The following CEP112 variants were observed in gnomAD, a reference collection of about 807,000 sequenced individuals.
CEP112 encodes centrosomal protein 112.
CEP112 carries 127 observed loss-of-function variants against 153.0 expected under a neutral mutation model. The ratio of observed to expected loss-of-function variants is 0.83; its 90% CI spans 0.72 to 0.96. The LOEUF (loss-of-function observed/expected upper bound fraction) is 0.96, where lower values mean the gene tolerates loss of function less well. Ranked by LOEUF, CEP112 falls within the 40% of genes least tolerant of loss-of-function variation. CEP112 has a pLI of 0.00. For synonymous variants in CEP112, 358 were observed against 374.4 expected, an observed-to-expected ratio of 0.96 and a Z score of 0.51; for missense variants, 1,089 against 1,101.2, an observed-to-expected ratio of 0.99 and a Z score of 0.16.
chr17:66,051,416 AT>A (rs1293714127), intron 12 of CEP112, among the ~76,000 whole-genome samples: 1 of 149,304 alleles, frequency 6.7e-6, no homozygotes, highest in Non-Finnish European at 1.5e-5. Flanking sequence ...TATATACTTA[AT>A]TTATGTATAT....
chr17:65,664,729 C>G (rs1487625457), intron 24 of CEP112, among the ~76,000 whole-genome samples: 2 of 152,228 alleles, frequency 1.3e-5, no homozygotes, highest in Non-Finnish European at 2.9e-5. Context: ...ATAACACCAT[C>G]AAGGACACAG....
chr17:65,997,040 C>T (rs1245670364), intron 17 of CEP112, among the ~76,000 whole-genome samples: 8 of 152,076 alleles, frequency 5.3e-5, no homozygotes, highest in Non-Finnish European at 1.0e-4. Context: ...GAAACCTCGT[C>T]TCTACTAAAA....
chr17:66,065,150 C>T (rs1033271279), intron 10 of CEP112, among the ~76,000 whole-genome samples: 1 of 152,166 alleles, frequency 6.6e-6, no homozygotes, highest in Non-Finnish European at 1.5e-5. Context: ...TTCTTTTCTT[C>T]GGTTCCATTC....
At chr17:65,787,103 T>C (rs922907195) in intron 21 of CEP112, among the ~76,000 whole-genome samples, 1 of 152,224 alleles carries the variant, frequency 6.6e-6, no homozygotes, top group Non-Finnish European at 1.5e-5. Flanking sequence ...CTAACGTCCA[T>C]ACCTTTGCAA....
Position 66,175,199 on chromosome 17 carries a change from T to C in CEP112, c.315A>G (p.Glu105=). The change falls in exon 4 of 27, where the codon GAA becomes GAG. Residue 105 remains glutamate, a synonymous_variant. Coordinates refer to ENST00000535342, the MANE Select transcript of CEP112 (RefSeq NM_001199165.4). ...LPSYMSIYFD[E]PNPARAKGSS... is the part of the protein sequence containing the mutation. Reference sequence around the variant, plus strand: ...AACCTTTTGCTCGTGCTGGATTTGGTTCATCAAAATAGATGGACTGATTTT... The same window carrying C: ...AACCTTTTGCTCGTGCTGGATTTGGCTCATCAAAATAGATGGACTGATTTT... 1 of 1,588,452 alleles carries C rather than the reference T, an allele frequency of 6.3e-7. No homozygotes were observed. Among genetic ancestry groups the C allele is most frequent in the East Asian group, 2.3e-5 (1 of 44,082 alleles).
intron 20 of CEP112, among the ~76,000 whole-genome samples, chr17:65,897,149 C>CA (rs973892986): frequency 1.7e-4 from 26 of 151,760 alleles, no homozygotes; most frequent in African/African-American, 6.3e-4. Flanking sequence ...AAGAGGGGAA[C>CA]AAAAAACAGG....
chr17:65,980,303 T>C (rs910817756), intron 17 of CEP112, among the ~76,000 whole-genome samples: 4 of 152,196 alleles, frequency 2.6e-5, no homozygotes, highest in African/African-American at 7.2e-5. Context: ...TAAAAGACCA[T>C]TGTTAAAATT....
chr17:65,758,789 A>G (rs2052436144), intron 21 of CEP112, among the ~76,000 whole-genome samples: 1 of 152,224 alleles, frequency 6.6e-6, no homozygotes, highest in Non-Finnish European at 1.5e-5. Flanking sequence ...CATGGCATAA[A>G]GCTCAGATAA....
chr17:65,915,025 C>T (rs986065584), intron 19 of CEP112, among the ~76,000 whole-genome samples: 1 of 152,172 alleles, frequency 6.6e-6, no homozygotes, highest in African/African-American at 2.4e-5. Flanking sequence ...TCACTTCCTC[C>T]TTCCTGAAAC....
intron 24 of CEP112, among the ~76,000 whole-genome samples, chr17:65,662,674 G>C (rs1448713793): frequency 6.6e-6 from 1 of 152,008 alleles, no homozygotes; most frequent in Non-Finnish European, 1.5e-5. Flanking sequence ...ATCCTCATTG[G>C]GCCAGCTTTT....
chr17:65,931,552 T>C (rs2061123809), intron 18 of CEP112, among the ~76,000 whole-genome samples: 1 of 152,150 alleles, frequency 6.6e-6, no homozygotes, highest in South Asian at 2.1e-4. Context: ...CTAGAACATC[T>C]GAGATCAGCT....
chr17:66,041,928 G>A (rs372179851), intron 12 of CEP112, among the ~76,000 whole-genome samples: 2 of 152,130 alleles, frequency 1.3e-5, no homozygotes, highest in Non-Finnish European at 2.9e-5. Context: ...GCTGCCAAAC[G>A]GTAACTTCCT....
intron 6 of CEP112, among the ~76,000 whole-genome samples, chr17:66,121,276 CAA>C (rs34302471): frequency 5.1e-5 from 7 of 138,092 alleles, no homozygotes; most frequent in African/African-American, 5.5e-5. Context: ...CACTTCGTCT[CAA>C]AAAAAAAAAA....
In CEP112 at chr17:65,746,650, T is replaced by A. The variant is rs1202434410; in HGVS notation, c.2458-3433A>T. ...TCCTTAGCTCAGTGTATGTAATAAC[T>A]GGCACCCAGTTTAAGTGGTAGAACT... On this transcript the variant is annotated intron_variant, in intron 22 of 26. Coordinates refer to ENST00000535342, the MANE Select transcript of CEP112 (RefSeq NM_001199165.4). Among the ~76,000 whole-genome samples the A allele has an allele frequency of 2.0e-5, 3 of 152,164 alleles. No homozygotes were observed. In the East Asian group the frequency reaches 5.8e-4, roughly 29 times the overall value.
chr17:65,704,112 T>C (rs2048783083), intron 23 of CEP112, among the ~76,000 whole-genome samples: 3 of 151,660 alleles, frequency 2.0e-5, no homozygotes, highest in East Asian at 2.0e-4. Flanking sequence ...CAGGAAGAGG[T>C]TGGCCCTGCG....
At chr17:65,966,565 G>A (rs1337437795) in intron 17 of CEP112, among the ~76,000 whole-genome samples, 1 of 152,216 alleles carries the variant, frequency 6.6e-6, no homozygotes, top group Non-Finnish European at 1.5e-5. Context: ...AAAACAGCTA[G>A]AAGAGTCCCC....
chr17:66,098,327 T>C (rs2068430638), intron 6 of CEP112, among the ~76,000 whole-genome samples: 1 of 152,278 alleles, frequency 6.6e-6, no homozygotes, highest in South Asian at 2.1e-4. Context: ...TTCTTTAAGG[T>C]TTTTCTTTTA....
intron 23 of CEP112, among the ~76,000 whole-genome samples, chr17:65,693,808 G>A (rs1316248114): frequency 6.6e-6 from 1 of 152,158 alleles, no homozygotes; most frequent in Non-Finnish European, 1.5e-5. Flanking sequence ...TTAGGAGACA[G>A]GACCTCTGGC....
chr17:65,697,387 T>C (rs1461877281), intron 23 of CEP112, among the ~76,000 whole-genome samples: 1 of 152,244 alleles, frequency 6.6e-6, no homozygotes, highest in Non-Finnish European at 1.5e-5. Flanking sequence ...GGGCTGATAA[T>C]ATTTCTGATG....
Sources: gnomAD v4.1 joint callset for allele counts (sites outside exome capture counted in the v4.1 genomes callset) on GRCh38, gnomAD v4.1.1 for gene constraint, MANE v1.5 for transcripts, NCBI Gene and HGNC (gene_info 2026-07-23, HGNC 2026-07-21) for gene names.